GPC5: variants seen among roughly 807,000 people sequenced by gnomAD.
The protein encoded by GPC5 is glypican 5, also known as glypican-5.
Under a neutral mutation model 53.9 loss-of-function variants are expected in GPC5, and 47 were observed. The observed-to-expected ratio is 0.87, with a 90% confidence interval of 0.69 to 1.11. GPC5 has a LOEUF of 1.11. Ranked by LOEUF, GPC5 falls within the 50% of genes most tolerant of loss-of-function variation. The pLI is 0.00. For missense variants in GPC5, 748 were observed against 713.1 expected, an observed-to-expected ratio of 1.05 and a Z score of -0.56; for synonymous variants, 286 against 263.3, an observed-to-expected ratio of 1.09 and a Z score of -0.84.
At chr13:92,070,782 T>C (rs1412445068) in intron 6 of GPC5, among the ~76,000 whole-genome samples, 1 of 152,216 alleles carries the variant, frequency 6.6e-6, no homozygotes, top group African/African-American at 2.4e-5. Flanking sequence ...CTTTTGTTAC[T>C]ATTCATTGAT....
intron 7 of GPC5, among the ~76,000 whole-genome samples, chr13:92,857,595 C>T (rs1026754606): frequency 6.6e-6 from 1 of 152,026 alleles, no homozygotes; most frequent in Non-Finnish European, 1.5e-5. Context: ...TATCCAGAGT[C>T]TATAAGGAAG....
chr13:92,353,474 G>A (rs2043497654), intron 7 of GPC5, among the ~76,000 whole-genome samples: 1 of 152,022 alleles, frequency 6.6e-6, no homozygotes. Context: ...TATAAAGAAA[G>A]TAAGGAAAGG....
chr13:92,494,065 T>G (rs1180115377), intron 7 of GPC5, among the ~76,000 whole-genome samples: 1 of 129,556 alleles, frequency 7.7e-6, no homozygotes, highest in African/African-American at 2.8e-5. Flanking sequence ...TTTTTTTTTG[T>G]TTGTTTGTTT....
intron 7 of GPC5, among the ~76,000 whole-genome samples, chr13:92,706,485 G>A (rs1887955789): frequency 6.6e-6 from 1 of 152,004 alleles, no homozygotes; most frequent in Admixed American, 6.6e-5. Context: ...AAATGAAGGT[G>A]AAACAAAGCC....
intron 2 of GPC5, among the ~76,000 whole-genome samples, chr13:91,497,174 A>T (rs899673487): frequency 3.3e-5 from 5 of 152,098 alleles, no homozygotes; most frequent in Non-Finnish European, 1.5e-5. Flanking sequence ...ATTATACTTT[A>T]CAGTTTTATA....
At chr13:92,432,064 C>T (rs1374451617) in intron 7 of GPC5, among the ~76,000 whole-genome samples, 2 of 152,058 alleles carry the variant, frequency 1.3e-5, no homozygotes, top group African/African-American at 4.8e-5. Flanking sequence ...TAATTTGGTT[C>T]AGATAAGGTT....
chr13:91,862,914 C>T (rs917897842), intron 5 of GPC5, among the ~76,000 whole-genome samples: 1 of 151,984 alleles, frequency 6.6e-6, no homozygotes, highest in Admixed American at 6.6e-5. Flanking sequence ...TCTGGCCCAT[C>T]TTTTCTTCTT....
chr13:92,707,013 C>T (rs1313938052), intron 7 of GPC5, among the ~76,000 whole-genome samples: 1 of 152,050 alleles, frequency 6.6e-6, no homozygotes, highest in Non-Finnish European at 1.5e-5. Flanking sequence ...AAGGAAAGGC[C>T]ATGAGAAGGA....
chr13:91,570,886 C>G (rs17419728), intron 2 of GPC5, among the ~76,000 whole-genome samples: 14,682 of 152,154 alleles, frequency 0.096, 816 homozygotes, highest in South Asian at 0.32. Context: ...GTTTCTTAGT[C>G]AAATTGTCTT....
intron 7 of GPC5, among the ~76,000 whole-genome samples, chr13:92,702,046 C>A (rs939644392): frequency 1.3e-5 from 2 of 152,086 alleles, no homozygotes; most frequent in Non-Finnish European, 2.9e-5. Flanking sequence ...ATGGGACGTG[C>A]ACTCTCCAGA....
At chr13:91,782,554 C>T (rs1274431476) in intron 5 of GPC5, among the ~76,000 whole-genome samples, 2 of 152,122 alleles carry the variant, frequency 1.3e-5, no homozygotes, top group African/African-American at 4.8e-5. Context: ...GGAACCGCCC[C>T]CATGATCCAA....
chr13:92,033,905 C>T (rs2040872978), intron 6 of GPC5, among the ~76,000 whole-genome samples: 1 of 152,130 alleles, frequency 6.6e-6, no homozygotes, highest in East Asian at 1.9e-4. Context: ...GTTGTGACCA[C>T]CGGCCTTAAT....
intron 2 of GPC5, among the ~76,000 whole-genome samples, chr13:91,498,374 G>C (rs1367063638): frequency 6.6e-6 from 1 of 151,534 alleles, no homozygotes; most frequent in Non-Finnish European, 1.5e-5. Context: ...CCGACTGAGT[G>C]AACGAGTAAA....
intron 7 of GPC5, among the ~76,000 whole-genome samples, chr13:92,756,145 C>A (rs963790766): frequency 6.6e-6 from 1 of 151,868 alleles, no homozygotes. Context: ...ATCAAGTGGG[C>A]TTCATCCCTG....
At chr13:91,415,773 C>T (rs923605129) in intron 1 of GPC5, among the ~76,000 whole-genome samples, 3 of 151,872 alleles carry the variant, frequency 2.0e-5, no homozygotes, top group African/African-American at 4.8e-5. Flanking sequence ...TGTAAGGAGA[C>T]TATAAACTAT....
chr13:92,624,207 T>A (rs531996887), intron 7 of GPC5, among the ~76,000 whole-genome samples: 1 of 151,932 alleles, frequency 6.6e-6, no homozygotes, highest in Non-Finnish European at 1.5e-5. Context: ...GTAGCTGAGA[T>A]AACAGGCACG....
At chr13:91,865,099 C>T (rs968252716) in intron 5 of GPC5, among the ~76,000 whole-genome samples, 5 of 151,802 alleles carry the variant, frequency 3.3e-5, no homozygotes, top group South Asian at 2.1e-4. Context: ...TTAGTAGAGA[C>T]GGGGTTTCAC....
At chr13:92,636,981 T>C (rs1885427182) in intron 7 of GPC5, among the ~76,000 whole-genome samples, 1 of 152,134 alleles carries the variant, frequency 6.6e-6, no homozygotes. Context: ...CCTGACTTTC[T>C]ATTTTCCCCT....
At chr13:92,454,808 A>AT (rs1566597664) in intron 7 of GPC5, among the ~76,000 whole-genome samples, 1 of 152,116 alleles carries the variant, frequency 6.6e-6, no homozygotes, top group Non-Finnish European at 1.5e-5. Flanking sequence ...CCTTTTAGTG[A>AT]TTTTTTTAAA....
Sources: gnomAD v4.1 joint callset for allele counts (sites outside exome capture counted in the v4.1 genomes callset) on GRCh38, gnomAD v4.1.1 for gene constraint, MANE v1.5 for transcripts, NCBI Gene and HGNC (gene_info 2026-07-23, HGNC 2026-07-21) for gene names.